The following ADAMTSL1 variants were observed in gnomAD, a reference collection of about 807,000 sequenced individuals.
The protein encoded by ADAMTSL1 is ADAMTS like 1, also known as ADAMTS-like protein 1.
A neutral mutation model predicts 201.8 loss-of-function variants in ADAMTSL1; 126 were observed. The ratio of observed to expected loss-of-function variants is 0.62; its 90% CI spans 0.54 to 0.72. The LOEUF (loss-of-function observed/expected upper bound fraction) is 0.72, where lower values mean the gene tolerates loss of function less well. Among genes scored for constraint, ADAMTSL1 ranks in the 30% least tolerant of loss-of-function variants. ADAMTSL1 has a pLI of 0.00. For missense variants in ADAMTSL1, 2,679 were observed against 2,277.8 expected (o/e 1.18, Z -3.59); for synonymous variants, 1,121 against 903.4 (o/e 1.24, Z -4.32).
Position 18,737,048 on chromosome 9 carries a change from G to A in ADAMTSL1, c.2006+15383G>A, listed in dbSNP as rs529214276. ...AAAGGTGAAGTACAGGCCAGGCGTG[G>A]TGGCTCACGCCTGTAATCCCAACAC... On this transcript the variant is annotated intron_variant, in intron 15 of 28. Transcript: ENST00000380548. Among the ~76,000 whole-genome samples the A allele has an allele frequency of 2.6e-5, 4 of 152,274 alleles. No individual in the cohort carries two copies. In the East Asian group the frequency reaches 7.7e-4, roughly 29 times the overall value.
At chr9:18,258,766 A>G (rs916575507) in intron 2 of ADAMTSL1, among the ~76,000 whole-genome samples, 1 of 152,136 alleles carries the variant, frequency 6.6e-6, no homozygotes, top group Non-Finnish European at 1.5e-5. Context: ...CTGGTCCCTC[A>G]CACACCAGGT....
At chr9:18,809,713 C>G (rs1298185976) in intron 20 of ADAMTSL1, among the ~76,000 whole-genome samples, 2 of 152,078 alleles carry the variant, frequency 1.3e-5, no homozygotes, top group East Asian at 3.8e-4. Context: ...TACTTGAACC[C>G]AGGAGGCAGA....
intron 15 of ADAMTSL1, chr9:18,723,644 A>C (rs1817684537): frequency 6.5e-6 from 1 of 154,500 alleles, no homozygotes; most frequent in Non-Finnish European, 1.4e-5. Context: ...TCAAGCCAAC[A>C]GGCAAGACCT....
At position 18,098,416 on chromosome 9, in the gene ADAMTSL1, C is replaced by T. The variant is rs189834132; in HGVS notation, c.88-65446C>T. On this transcript the variant is annotated intron_variant, in intron 1 of 29. Coordinates refer to the ADAMTSL1 transcript ENST00000680146. ...TTAAAAATGTAGATCTTTAATTTCTCTTTGCATTGTTTTGTAGTATGCAGT... is the reference window on the plus strand; with the variant it reads ...TTAAAAATGTAGATCTTTAATTTCTTTTTGCATTGTTTTGTAGTATGCAGT... Among the ~76,000 whole-genome samples the T allele has an allele frequency of 2.0e-4, 30 of 152,174 alleles. No homozygotes were observed. The East Asian group carries it at 5.8e-3, about 29-fold the overall frequency.
chr9:18,773,222 G>A (rs1820793304), intron 17 of ADAMTSL1, among the ~76,000 whole-genome samples: 1 of 152,120 alleles, frequency 6.6e-6, no homozygotes, highest in South Asian at 2.1e-4. Context: ...CATAGAGACA[G>A]AATTAAGCCA....
At chr9:18,010,320 C>T (rs1820000537) in intron 1 of ADAMTSL1, among the ~76,000 whole-genome samples, 1 of 152,034 alleles carries the variant, frequency 6.6e-6, no homozygotes, top group Admixed American at 6.6e-5. Flanking sequence ...TTTCTATCCA[C>T]ACAGACATAA....
rs111351341 is a variant in ADAMTSL1, at chr9:18,853,145, T to C, written c.4249+23168T>C. Among the ~76,000 whole-genome samples, 27 of 152,174 alleles carry C rather than the reference T, an allele frequency of 1.8e-4. 1 individual carries two copies. Among genetic ancestry groups the C allele is most frequent in the African/African-American group, 6.3e-4 (26 of 41,504 alleles). The stretch of plus-strand genomic sequence containing the variant: ...CATCTGAGTAGACTTCATGGGGAAA[T>C]GGGACCTAAACAACAGATGGGGATT... On this transcript the variant is annotated intron_variant, in intron 23 of 28. Transcript: ENST00000380548.
At chr9:18,785,094 G>T (rs1035490391) in intron 19 of ADAMTSL1, among the ~76,000 whole-genome samples, 5 of 152,148 alleles carry the variant, frequency 3.3e-5, no homozygotes, top group Non-Finnish European at 7.3e-5. Context: ...AACGCAGGAG[G>T]TGGAGGTTGC....
chr9:18,486,610 T>C (rs912113252), intron 1 of ADAMTSL1, among the ~76,000 whole-genome samples: 2 of 152,058 alleles, frequency 1.3e-5, no homozygotes, highest in African/African-American at 4.8e-5. Flanking sequence ...GAGGCTGAGG[T>C]GGGAGGATTG....
intron 4 of ADAMTSL1, among the ~76,000 whole-genome samples, chr9:18,579,926 T>C (rs1822989199): frequency 6.6e-6 from 1 of 152,220 alleles, no homozygotes; most frequent in Non-Finnish European, 1.5e-5. Flanking sequence ...GTAGCATAAA[T>C]GTATGGACAG....
At chr9:18,067,451 G>A (rs373849342) in intron 1 of ADAMTSL1, among the ~76,000 whole-genome samples, 1 of 151,742 alleles carries the variant, frequency 6.6e-6, no homozygotes, top group African/African-American at 2.4e-5. Context: ...TGAGAAATAT[G>A]AAAGCATAAA....
At chr9:17,926,296 T>G (rs898885599) in intron 1 of ADAMTSL1, among the ~76,000 whole-genome samples, 1 of 152,172 alleles carries the variant, frequency 6.6e-6, no homozygotes, top group East Asian at 1.9e-4. Context: ...GAATGCTAAT[T>G]TTAAAACTCT....
intron 2 of ADAMTSL1, among the ~76,000 whole-genome samples, chr9:18,286,319 T>G (rs577479105): frequency 6.6e-6 from 1 of 152,332 alleles, no homozygotes; most frequent in Admixed American, 6.5e-5. Flanking sequence ...ATGAAATACA[T>G]GAATGGACTC....
chr9:18,685,093 G>C lies in ADAMTSL1; in HGVS notation c.1574+293G>C, dbSNP rs546619006. The C allele has an allele frequency of 1.2e-4, 81 of 660,586 alleles. No homozygotes were observed. In the African/African-American group the frequency reaches 1.4e-3, roughly 11 times the overall value. The allele number at this position is 660,586 out of a possible 1,614,324, so 40.9% of individuals were successfully genotyped here. ...CTGCGCAAGGGGCCAAAGGTGAGAA[G>C]GCCCAGGCTGCAGCTGATGATATAA... On this transcript the variant is annotated intron_variant, in intron 13 of 28. Coordinates refer to ENST00000380548, the MANE Select transcript of ADAMTSL1 (RefSeq NM_001040272.6).
chr9:18,353,263 C>G (rs1448683184), intron 2 of ADAMTSL1, among the ~76,000 whole-genome samples: 1 of 152,172 alleles, frequency 6.6e-6, no homozygotes, highest in Non-Finnish European at 1.5e-5. Flanking sequence ...GTGGTTAATA[C>G]CTTCATAGCA....
intron 3 of ADAMTSL1, among the ~76,000 whole-genome samples, chr9:18,563,552 C>G (rs561816093): frequency 5.3e-5 from 8 of 152,346 alleles, no homozygotes; most frequent in African/African-American, 1.9e-4. Context: ...GCTGGGAGAT[C>G]TGCTGTTCTC....
intron 3 of ADAMTSL1, among the ~76,000 whole-genome samples, chr9:18,537,121 T>C (rs1201828984): frequency 6.6e-6 from 1 of 152,206 alleles, no homozygotes. Context: ...AGAATTCTTC[T>C]TGGTCCTGGG....
intron 1 of ADAMTSL1, among the ~76,000 whole-genome samples, chr9:17,940,802 A>ACCCCC (rs60278506): frequency 3.9e-4 from 20 of 50,814 alleles, no homozygotes; most frequent in African/African-American, 4.9e-4. Context: ...AGTAAATAAC[A>ACCCCC]CCCCCCCCCC....
At chr9:18,709,759 A>G (rs1335124485) in intron 14 of ADAMTSL1, among the ~76,000 whole-genome samples, 2 of 152,144 alleles carry the variant, frequency 1.3e-5, no homozygotes, top group African/African-American at 2.4e-5. Context: ...AAGGAAAACA[A>G]CTCTGAGCCT....
Sources: allele counts gnomAD v4.1 joint callset (sites outside exome capture counted in the v4.1 genomes callset), GRCh38; gene constraint gnomAD v4.1.1; transcripts MANE v1.5; gene names NCBI Gene and HGNC (gene_info 2026-07-23, HGNC 2026-07-21).